PCDHGA8: variants seen among roughly 807,000 people sequenced by gnomAD.
PCDHGA8 encodes the protein protocadherin gamma-A8.
PCDHGA8 carries 45 observed loss-of-function variants against 59.2 expected under a neutral mutation model. The observed-to-expected ratio is 0.76, with a 90% CI of 0.60 to 0.98. The LOEUF (loss-of-function observed/expected upper bound fraction) is 0.98, where lower values mean the gene tolerates loss of function less well. Among genes scored for constraint, PCDHGA8 ranks in the 50% least tolerant of loss-of-function variants. The pLI is 0.00. For missense variants in PCDHGA8, 1,257 were observed against 1,196.2 expected, an observed-to-expected ratio of 1.05 and a Z score of -0.75; for synonymous variants, 531 against 519.0, an observed-to-expected ratio of 1.02 and a Z score of -0.32.
intron 1 of PCDHGA8, chr5:141,411,907 G>A (rs2095522781): frequency 1.3e-5 from 2 of 152,156 alleles, no homozygotes; most frequent in Non-Finnish European, 2.9e-5. Flanking sequence ...TATTGCCTTT[G>A]CACTCAGTCT....
intron 1 of PCDHGA8, chr5:141,403,495 C>A: frequency 6.2e-7 from 1 of 1,614,014 alleles, no homozygotes; most frequent in Non-Finnish European, 8.5e-7. Context: ...TCTCCCTGAA[C>A]GTGCAGACTG....
At chr5:141,470,649 C>T (rs1486535307) in intron 1 of PCDHGA8, among the ~76,000 whole-genome samples, 1 of 152,160 alleles carries the variant, frequency 6.6e-6, no homozygotes, top group African/African-American at 2.4e-5. Flanking sequence ...TTGAAGGCCC[C>T]TACCCTTTGG....
rs549307445 is a variant in PCDHGA8, at chr5:141,400,703, G to T, written c.2424+5466G>T. On this transcript the variant is annotated intron_variant, in intron 1 of 3. Transcript: ENST00000398604. The stretch of plus-strand genomic sequence containing the variant: ...TTGTGAGTTTTTATGTCGCATAAAA[G>T]AAGTAGCCTTATAGATTTACAAAGT... 6 of 714,832 alleles carry T rather than the reference G, an allele frequency of 8.4e-6. No homozygotes were observed. In the Admixed American group the frequency reaches 1.4e-4, roughly 17 times the overall value. The allele number at this position is 714,832 out of a possible 1,614,324, so 44.3% of individuals were successfully genotyped here. A position where few individuals can be genotyped will look rare whatever the true frequency, so the allele number is the denominator to read the frequency against.
chr5:141,494,586 G>A (rs770159202), intron 1 of PCDHGA8, among the ~76,000 whole-genome samples: 1 of 152,112 alleles, frequency 6.6e-6, no homozygotes, highest in Non-Finnish European at 1.5e-5. Context: ...GCTCACTGTG[G>A]TCAGATGAAA....
intron 1 of PCDHGA8, chr5:141,410,823 C>CCAGACTGA (rs2095425464): frequency 2.1e-6 from 1 of 479,988 alleles, no homozygotes; most frequent in African/African-American, 2.5e-5. Flanking sequence ...AATAATGTCA[C>CCAGACTGA]CAGACTGAAG....
intron 1 of PCDHGA8, among the ~76,000 whole-genome samples, chr5:141,482,530 CAAAA>C (rs3074545): frequency 9.1e-5 from 7 of 76,540 alleles, no homozygotes; most frequent in South Asian, 4.6e-4. Flanking sequence ...GACAGACATG[CAAAA>C]AAAAAAAAAA....
chr5:141,442,006 G>A (rs540427406), intron 1 of PCDHGA8: 77 of 229,074 alleles, frequency 3.4e-4, no homozygotes, highest in African/African-American at 1.6e-3. Context: ...CTGACAGCTC[G>A]CACGATGGGC....
chr5:141,458,171 A>G (rs548935841), intron 1 of PCDHGA8, among the ~76,000 whole-genome samples: 74 of 152,336 alleles, frequency 4.9e-4, no homozygotes, highest in African/African-American at 1.6e-3. Flanking sequence ...TCACAGTAGT[A>G]TACCTTACTT....
chr5:141,437,247 C>T (rs2097870457), intron 1 of PCDHGA8, among the ~76,000 whole-genome samples: 2 of 152,090 alleles, frequency 1.3e-5, no homozygotes, highest in Non-Finnish European at 2.9e-5. Context: ...AAGGACTTTC[C>T]TTGTCTTTTT....
Position 141,394,682 on chromosome 5 carries a change from G to A in PCDHGA8, c.1869G>A (p.Thr623=), listed in dbSNP as rs546310598. 6.3e-5 allele frequency: 102 copies of A among 1,611,492 alleles called. No individual in the cohort carries two copies. The South Asian group carries it at 1.0e-3, about 16-fold the overall frequency. ...GACTCTTCTCGGTGGGTCTGCACAC[G>A]GGCGAGGTGCGCACGGCGCGAGCCC... ...EPGLFSVGLH[T]GEVRTARALL... is the part of the protein sequence containing the mutation. The change falls in exon 1 of 4, where the codon ACG becomes ACA. Residue 623 remains threonine, a synonymous_variant. Coordinates refer to ENST00000398604, the MANE Select transcript of PCDHGA8 (RefSeq NM_032088.2).
At chr5:141,415,071 G>A (rs757356726) in intron 1 of PCDHGA8, 21 of 1,613,422 alleles carry the variant, frequency 1.3e-5, no homozygotes, top group East Asian at 2.2e-5. Flanking sequence ...AGGTGCGCAC[G>A]GCGCGAGCCC....
intron 1 of PCDHGA8, chr5:141,398,266 G>A: frequency 1.4e-6 from 2 of 1,439,368 alleles, no homozygotes; most frequent in Non-Finnish European, 1.9e-6. Flanking sequence ...GGGCTCCGTA[G>A]TGGGGAACCT....
chr5:141,485,676 G>A lies in PCDHGA8; in HGVS notation c.2425-9131G>A. The A allele has an allele frequency of 6.2e-7, 1 of 1,612,928 alleles. No individual in the cohort carries two copies. The highest frequency in any genetic ancestry group is 2.2e-5 in the East Asian group (1 of 44,848). On this transcript the variant is annotated intron_variant, in intron 1 of 3. Coordinates refer to ENST00000398604, the MANE Select transcript of PCDHGA8 (RefSeq NM_032088.2). This position sits in a 1 kb window ranked among gnomAD's most constrained non-coding sequence, Gnocchi z 5.7. ...GCAGATGTGGGGAGCAATTCGATTA[G>A]CAGCTATAGGCTGAGCTCCAATGAA...
At chr5:141,464,227 T>C (rs539811399) in intron 1 of PCDHGA8, among the ~76,000 whole-genome samples, 58 of 147,282 alleles carry the variant, frequency 3.9e-4, no homozygotes, top group Admixed American at 2.5e-3. Flanking sequence ...ATTGCGCCAC[T>C]GCACTCCAGC....
intron 1 of PCDHGA8, chr5:141,395,513 C>T: frequency 2.4e-6 from 1 of 420,938 alleles, no homozygotes; most frequent in South Asian, 3.5e-5. Context: ...GAAGTAGCTA[C>T]CCGTCCATAC....
chr5:141,444,238 C>T (rs1011385887), intron 1 of PCDHGA8, among the ~76,000 whole-genome samples: 6 of 125,052 alleles, frequency 4.8e-5, no homozygotes, highest in Non-Finnish European at 9.4e-5. Context: ...ATGGCATGCT[C>T]TCGGCTCACT....
At position 141,487,382 on chromosome 5, in the gene PCDHGA8, T is replaced by A. The variant is rs755316738; in HGVS notation, c.2425-7425T>A. 6.2e-7 allele frequency: 1 copy of A among 1,614,172 alleles called. No individual in the cohort carries two copies. The highest frequency in any genetic ancestry group is 2.2e-5 in the East Asian group (1 of 44,854). On this transcript the variant is annotated intron_variant, in intron 1 of 3. Transcript: ENST00000398604. The surrounding 1 kb of genome is among the most constrained non-coding windows in gnomAD (Gnocchi z 5.0). ...TGGCACCTGTGCCTGTCTCACCAGA[T>A]CTCGAAGGAGGGAGGGGCTTCCCCC...
At chr5:141,505,336 G>T in intron 2 of PCDHGA8, 57 bp from the exon 3 acceptor site, 2 of 1,611,372 alleles carry the variant, frequency 1.2e-6, no homozygotes, top group Non-Finnish European at 1.7e-6. Context: ...GAGGACAGGA[G>T]GGGCATGAGC....
rs781198519 is a variant in PCDHGA8 at position 141,432,162 on chromosome 5, G to A, written c.2424+36925G>A. ...TATATCCCAGAGAACAATCCCAGAG[G>A]AGTTTCCCTCGTCTCTGTGACCGCC... On this transcript the variant is annotated intron_variant, in intron 1 of 3. Coordinates refer to ENST00000398604, the MANE Select transcript of PCDHGA8 (RefSeq NM_032088.2). The surrounding 1 kb of genome is among the most constrained non-coding windows in gnomAD (Gnocchi z 6.0). 1 of 1,614,070 alleles carries A rather than the reference G, an allele frequency of 6.2e-7. No homozygotes were observed. The highest frequency in any genetic ancestry group is 8.5e-7 in the Non-Finnish European group (1 of 1,180,030).
Sources: allele counts gnomAD v4.1 joint callset (sites outside exome capture counted in the v4.1 genomes callset), GRCh38; gene constraint gnomAD v4.1.1; non-coding constraint Gnocchi (gnomAD v3.1); transcripts MANE v1.5; gene names NCBI Gene and HGNC (gene_info 2026-07-23, HGNC 2026-07-21).